Variants in CCDC171 observed in about 807,000 individuals in gnomAD.
The protein encoded by CCDC171 is coiled-coil domain-containing protein 171.
Under a neutral mutation model 168.2 loss-of-function variants are expected in CCDC171, and 177 were observed. That is an observed-to-expected ratio of 1.05 (90% CI 0.93 to 1.19). CCDC171 has a LOEUF of 1.19. CCDC171 is among the 50% of genes most tolerant of loss of function. The pLI is 0.00. For missense variants in CCDC171, 1,991 were observed against 1,539.0 expected, an observed-to-expected ratio of 1.29 and a Z score of -4.91; for synonymous variants, 687 against 540.8, an observed-to-expected ratio of 1.27 and a Z score of -3.75.
intron 7 of CCDC171, among the ~76,000 whole-genome samples, chr9:15,635,315 T>C (rs2046119016): frequency 6.6e-6 from 1 of 152,206 alleles, no homozygotes; most frequent in African/African-American, 2.4e-5. Flanking sequence ...GCCATTCATA[T>C]ATCTTCTTTG....
intron 6 of CCDC171, among the ~76,000 whole-genome samples, chr9:15,609,545 A>C (rs1231878611): frequency 6.6e-6 from 1 of 152,214 alleles, no homozygotes; most frequent in Non-Finnish European, 1.5e-5. Flanking sequence ...TTTTCCAAAT[A>C]GATAGCCAAG....
Position 15,624,815 on chromosome 9 carries a change from T to G in CCDC171, c.822+1402T>G, listed in dbSNP as rs1587507786. Among the ~76,000 whole-genome samples the G allele has an allele frequency of 1.4e-4, 21 of 152,328 alleles. 1 individual carries two copies. The South Asian group carries it at 4.4e-3, about 32-fold the overall frequency. Reference sequence around the variant, plus strand: ...TATAGCAGCATGATTTATAATCCTTTGGGTATATGCCCAGTAATGGGATCA... The same window carrying G: ...TATAGCAGCATGATTTATAATCCTTGGGGTATATGCCCAGTAATGGGATCA... On this transcript the variant is annotated intron_variant, in intron 7 of 25. Coordinates refer to ENST00000380701, the MANE Select transcript of CCDC171 (RefSeq NM_173550.4).
chr9:15,679,300 G>T (rs775350988), intron 10 of CCDC171, among the ~76,000 whole-genome samples: 1 of 152,058 alleles, frequency 6.6e-6, no homozygotes, highest in Non-Finnish European at 1.5e-5. Flanking sequence ...CAGTAATCTA[G>T]CTTTTACACC....
intron 7 of CCDC171, among the ~76,000 whole-genome samples, chr9:15,625,494 T>C (rs2044991601): frequency 1.3e-5 from 2 of 152,214 alleles, no homozygotes; most frequent in Admixed American, 6.5e-5. Context: ...AATTTTTGTA[T>C]AAGGTGTAAG....
chr9:15,866,092 G>A (rs749047542), intron 23 of CCDC171, among the ~76,000 whole-genome samples: 3 of 151,926 alleles, frequency 2.0e-5, no homozygotes, highest in Admixed American at 6.6e-5. Flanking sequence ...AATGCAAAAA[G>A]AGTAAAAGAG....
intron 6 of CCDC171, among the ~76,000 whole-genome samples, chr9:16,024,461 A>G (rs139005900): frequency 6.6e-6 from 1 of 152,252 alleles, no homozygotes; most frequent in African/African-American, 2.4e-5. Context: ...CAGCTACTCC[A>G]TACGGAAATG....
intron 8 of CCDC171, among the ~76,000 whole-genome samples, chr9:15,663,276 T>G (rs1360997320): frequency 6.6e-6 from 1 of 152,218 alleles, no homozygotes; most frequent in Admixed American, 6.5e-5. Context: ...ATTTTCTGTC[T>G]AATGTGAAGC....
At chr9:15,634,555 G>A (rs981026952) in intron 7 of CCDC171, among the ~76,000 whole-genome samples, 2 of 152,112 alleles carry the variant, frequency 1.3e-5, no homozygotes, top group African/African-American at 2.4e-5. Context: ...TTTGTGTGAG[G>A]GCTAGGGTAG....
At chr9:15,835,850 C>T (rs1390668795) in intron 21 of CCDC171, among the ~76,000 whole-genome samples, 1 of 151,928 alleles carries the variant, frequency 6.6e-6, no homozygotes, top group Non-Finnish European at 1.5e-5. Context: ...TTAAGTGTAC[C>T]TATTTACATA....
chr9:16,063,987 T>C (rs1256157225), downstream of CCDC171, among the ~76,000 whole-genome samples: 2 of 152,206 alleles, frequency 1.3e-5, no homozygotes, highest in Non-Finnish European at 2.9e-5. Context: ...CAACAGCAGC[T>C]ACAAGTGGTC....
chr9:15,566,233 G>A (rs1292165966), intron 2 of CCDC171, among the ~76,000 whole-genome samples: 4 of 151,198 alleles, frequency 2.6e-5, no homozygotes, highest in South Asian at 2.1e-4. Context: ...AGGAGTGTTT[G>A]TATATTTGGA....
At chr9:15,665,652 G>A (rs2048683107) in intron 8 of CCDC171, among the ~76,000 whole-genome samples, 1 of 152,038 alleles carries the variant, frequency 6.6e-6, no homozygotes, top group South Asian at 2.1e-4. Context: ...GTGGTGGTGT[G>A]CACCTGTAGT....
chr9:15,621,515 A>G (rs1035880204), intron 6 of CCDC171, among the ~76,000 whole-genome samples: 2 of 152,166 alleles, frequency 1.3e-5, no homozygotes, highest in East Asian at 1.9e-4. Context: ...AAGAGTTCAT[A>G]TATAGCCTGC....
intron 21 of CCDC171, among the ~76,000 whole-genome samples, chr9:15,786,742 C>T (rs564880852): frequency 7.9e-5 from 12 of 152,234 alleles, no homozygotes; most frequent in South Asian, 2.1e-4. Flanking sequence ...ACCCACCTTA[C>T]GACATTCCAC....
At chr9:15,600,544 C>G (rs1020092716) in intron 6 of CCDC171, among the ~76,000 whole-genome samples, 3 of 152,154 alleles carry the variant, frequency 2.0e-5, no homozygotes, top group Non-Finnish European at 4.4e-5. Context: ...CAGTCTGCCC[C>G]TACTCAGGGG....
At chr9:16,010,307 A>G (rs999581107) in intron 3 of CCDC171, among the ~76,000 whole-genome samples, 1 of 152,178 alleles carries the variant, frequency 6.6e-6, no homozygotes, top group Non-Finnish European at 1.5e-5. Flanking sequence ...TGTTCAATAA[A>G]ATAAAAACTT....
chr9:16,099,634 G>C, the CCDC171 span, among the ~76,000 whole-genome samples: 2 of 152,136 alleles, frequency 1.3e-5, no homozygotes, highest in African/African-American at 4.8e-5. Context: ...TGCATGAAGG[G>C]GGCATCCAAA....
At chr9:16,013,650 C>A (rs1220131072) in intron 3 of CCDC171, among the ~76,000 whole-genome samples, 1 of 152,178 alleles carries the variant, frequency 6.6e-6, no homozygotes, top group African/African-American at 2.4e-5. Flanking sequence ...CACAGGTATG[C>A]CTCGGAGATA....
At chr9:15,747,370 TGG>T (rs1451883019) in intron 18 of CCDC171, among the ~76,000 whole-genome samples, 1 of 152,160 alleles carries the variant, frequency 6.6e-6, no homozygotes, top group Non-Finnish European at 1.5e-5. Flanking sequence ...AAGAGAGCAG[TGG>T]TTCTCCCAGC....
Sources: allele counts gnomAD v4.1 joint callset (sites outside exome capture counted in the v4.1 genomes callset), GRCh38; gene constraint gnomAD v4.1.1; transcripts MANE v1.5; gene names NCBI Gene and HGNC (gene_info 2026-07-23, HGNC 2026-07-21).